Variants in DZIP1L observed in about 807,000 individuals in gnomAD.
DZIP1L encodes cilium assembly protein DZIP1L.
A neutral mutation model predicts 88.7 loss-of-function variants in DZIP1L; 90 were observed. That is an observed-to-expected ratio of 1.02 (90% CI 0.86 to 1.21). DZIP1L has a LOEUF of 1.21. DZIP1L is among the 50% of genes most tolerant of loss of function. The pLI is 0.00. For missense variants in DZIP1L, 932 were observed against 955.8 expected (o/e 0.98, Z 0.33); for synonymous variants, 363 against 372.1 (o/e 0.98, Z 0.28).
chr3:138,100,600 T>G (rs529204006), intron 2 of DZIP1L, among the ~76,000 whole-genome samples: 1 of 152,206 alleles, frequency 6.6e-6, no homozygotes, highest in Non-Finnish European at 1.5e-5. Flanking sequence ...TCATGGGATC[T>G]GATGCTAACT....
intron 8 of DZIP1L, among the ~76,000 whole-genome samples, chr3:138,082,685 C>A (rs1647240720): frequency 6.6e-6 from 1 of 152,238 alleles, no homozygotes; most frequent in African/African-American, 2.4e-5. Context: ...CACATGCTGA[C>A]ATATGACTCA....
rs151287945 is a variant in DZIP1L, at chr3:138,071,746, T to C, written c.1512A>G (p.Glu504=). The part of the protein sequence containing the change: ...QREQKARKFS[E]FLSLRGKLVK... ...CAAGCTTTCCCCTCAGACTCAGAAA[T>C]TCAGAAAACTTCCGGGCCTTCTGCT... The change falls in exon 12 of 16, where the codon GAA becomes GAG. Residue 504 remains glutamate, a synonymous_variant. Transcript: ENST00000327532. 3.1e-6 allele frequency: 5 copies of C among 1,614,060 alleles called. No homozygotes were observed. In the African/African-American group the frequency reaches 6.7e-5, roughly 22 times the overall value.
At chr3:138,105,934 C>T (rs1261134725) in intron 1 of DZIP1L, among the ~76,000 whole-genome samples, 1 of 151,984 alleles carries the variant, frequency 6.6e-6, no homozygotes, top group Non-Finnish European at 1.5e-5. Context: ...GATTACAGGA[C>T]TTTTATTTTT....
In DZIP1L at chr3:138,065,933, TTAGA is replaced by T. The variant is rs199699891; in HGVS notation, c.2003-1170_2003-1167del. The stretch of plus-strand genomic sequence containing the variant: ...AGGCTCAACTAGTCATTGCAACCTG[TTAGA>T]TAGAAAATAATACGTTTAACGAATA... On this transcript the variant is annotated intron_variant, in intron 14 of 15. Coordinates refer to ENST00000327532, the MANE Select transcript of DZIP1L (RefSeq NM_173543.3). 6.1e-3 allele frequency among the ~76,000 whole-genome samples: 932 copies of T among 152,330 alleles called. 12 individuals carry two copies. Among genetic ancestry groups the T allele is most frequent in the African/African-American group, 0.021 (861 of 41,562 alleles).
At chr3:138,078,905 C>T (rs1339589977) in intron 10 of DZIP1L, among the ~76,000 whole-genome samples, 1 of 152,158 alleles carries the variant, frequency 6.6e-6, no homozygotes, top group East Asian at 1.9e-4. Flanking sequence ...TTCAAGCTTC[C>T]TGGGTGATTC....
chr3:138,068,069 C>T, intron 13 of DZIP1L, 82 bp downstream of exon 13: 1 of 1,263,792 alleles, frequency 7.9e-7, no homozygotes, highest in East Asian at 2.9e-5. Flanking sequence ...CTGCAGAAGC[C>T]TGGAGGGAGC....
rs879932998 is a variant in DZIP1L at position 138,095,130 on chromosome 3, C to T, written c.587-147G>A. On this transcript the variant is annotated intron_variant, in intron 3 of 15. Transcript: ENST00000327532. ...ACATTGGGCAAAGAACATAACCTCCCTGTCCCTCTGTTTCCCCAAACTGGA... is the reference window on the plus strand; with the variant it reads ...ACATTGGGCAAAGAACATAACCTCCTTGTCCCTCTGTTTCCCCAAACTGGA... 26 of 1,224,468 alleles carry T rather than the reference C, an allele frequency of 2.1e-5. No homozygotes were observed. In the Admixed American group the frequency reaches 6.5e-4, roughly 30 times the overall value. The allele number at this position is 1,224,468 out of a possible 1,614,324, so 75.9% of individuals were successfully genotyped here.
chr3:138,079,070 T>A (rs879573530), intron 10 of DZIP1L, among the ~76,000 whole-genome samples: 32 of 152,220 alleles, frequency 2.1e-4, no homozygotes, highest in Non-Finnish European at 2.8e-4. Flanking sequence ...GCCTGAGAAT[T>A]ACAACTTTGC....
chr3:138,069,071 A>G (rs935952470), intron 12 of DZIP1L: 2 of 1,107,858 alleles, frequency 1.8e-6, no homozygotes, highest in Non-Finnish European at 2.5e-6. Context: ...GTGGGGTTGA[A>G]CAGCCATGGG....
At chr3:138,074,732 GAA>G (rs36115917) in intron 11 of DZIP1L, among the ~76,000 whole-genome samples, 34 of 140,684 alleles carry the variant, frequency 2.4e-4, no homozygotes, top group South Asian at 4.5e-4. Context: ...AATAATACAC[GAA>G]AAAAAAAAAA....
At chr3:138,108,496 G>C (rs1209764035) in intron 1 of DZIP1L, among the ~76,000 whole-genome samples, 4 of 152,056 alleles carry the variant, frequency 2.6e-5, no homozygotes, top group Non-Finnish European at 5.9e-5. Context: ...TCCTTAAACA[G>C]TGGCTATTCT....
intron 1 of DZIP1L, among the ~76,000 whole-genome samples, chr3:138,107,812 T>C (rs998399322): frequency 8.5e-5 from 13 of 152,152 alleles, no homozygotes; most frequent in African/African-American, 3.1e-4. Flanking sequence ...ACCCTGGAGC[T>C]CAGCATGGCT....
intron 1 of DZIP1L, among the ~76,000 whole-genome samples, chr3:138,112,195 T>C (rs1444865266): frequency 6.6e-6 from 1 of 152,188 alleles, no homozygotes; most frequent in Non-Finnish European, 1.5e-5. Flanking sequence ...ATGTAGAAAC[T>C]GAGGCTCAGA....
intron 5 of DZIP1L, chr3:138,088,882 G>C: frequency 1.0e-6 from 1 of 988,640 alleles, no homozygotes; most frequent in Non-Finnish European, 1.2e-6. Context: ...CTCACCCCAG[G>C]CCACTCCCTG....
At chr3:138,107,127 C>A (rs2042517625) in intron 1 of DZIP1L, among the ~76,000 whole-genome samples, 1 of 152,198 alleles carries the variant, frequency 6.6e-6, no homozygotes, top group African/African-American at 2.4e-5. Context: ...TCTCATTTTA[C>A]AAATAAGGAA....
intron 3 of DZIP1L, 133 bp from the exon 4 acceptor site, chr3:138,095,116 AGAACATAACCTCCC>A: frequency 7.4e-7 from 1 of 1,358,124 alleles, no homozygotes; most frequent in Admixed American, 2.2e-5. Context: ...CATTGGGCAA[AGAACATAACCTCCC>A]TGTCCCTCTG....
At chr3:138,068,087 A>T in intron 13 of DZIP1L, 64 bp downstream of exon 13, 1 of 1,375,314 alleles carries the variant, frequency 7.3e-7, no homozygotes, top group Non-Finnish European at 9.5e-7. Flanking sequence ...AGCCCAGAAC[A>T]GGACTGCCTG....
At chr3:138,079,382 G>A (rs922185063) in intron 10 of DZIP1L, among the ~76,000 whole-genome samples, 6 of 152,154 alleles carry the variant, frequency 3.9e-5, no homozygotes, top group African/African-American at 1.4e-4. Context: ...GGCAGTAGAG[G>A]ACTAACTGGT....
At chr3:138,109,460 A>C (rs974469452) in intron 1 of DZIP1L, among the ~76,000 whole-genome samples, 2 of 152,152 alleles carry the variant, frequency 1.3e-5, no homozygotes, top group African/African-American at 4.8e-5. Flanking sequence ...GTTCCAATTA[A>C]AGGTTGACAC....
Sources: gnomAD v4.1 joint callset for allele counts (sites outside exome capture counted in the v4.1 genomes callset) on GRCh38, gnomAD v4.1.1 for gene constraint, MANE v1.5 for transcripts, NCBI Gene and HGNC (gene_info 2026-07-23, HGNC 2026-07-21) for gene names.